KCNMA1: variants seen among roughly 807,000 people sequenced by gnomAD.
KCNMA1 encodes the protein potassium calcium-activated channel subfamily M alpha 1.
In KCNMA1, 29 loss-of-function variants were observed where a neutral mutation model predicts 140.0. That is an observed-to-expected ratio of 0.21 (90% CI 0.15 to 0.28). The LOEUF (loss-of-function observed/expected upper bound fraction) is 0.28, where lower values mean the gene tolerates loss of function less well. Among genes scored for constraint, KCNMA1 ranks in the 10% least tolerant of loss-of-function variants. KCNMA1 has a pLI of 1.00. For missense variants in KCNMA1, 880 were observed against 1,602.2 expected (o/e 0.55, Z 7.70); for synonymous variants, 612 against 611.9 (o/e 1.00, Z 0.00).
intron 1 of KCNMA1, among the ~76,000 whole-genome samples, chr10:77,625,359 C>G (rs533346777): frequency 6.6e-6 from 1 of 151,874 alleles, no homozygotes; most frequent in African/African-American, 2.4e-5. Context: ...CCAGCCTGGG[C>G]GACAGAGCGA....
rs189344450 is a variant in KCNMA1, at chr10:77,412,918, C to T, written c.379-8895G>A. Among the ~76,000 whole-genome samples, 830 of 152,092 alleles carry T rather than the reference C, an allele frequency of 5.5e-3. 3 individuals carry two copies. The highest frequency in any genetic ancestry group is 0.027 in the Middle Eastern group (8 of 292). On this transcript the variant is annotated intron_variant, in intron 1 of 27. Transcript: ENST00000286628. ...TGTTGCCCAGGCTGGAGTACAGTGG[C>T]GTGATCTCAGCTCACTGCAATTTCT...
intron 2 of KCNMA1, among the ~76,000 whole-genome samples, chr10:77,255,361 A>G (rs1463889843): frequency 6.6e-6 from 1 of 152,086 alleles, no homozygotes; most frequent in East Asian, 1.9e-4. Context: ...GCACTTTGGG[A>G]GGCCATGACA....
In KCNMA1 at chr10:77,160,339, T is replaced by A. The variant is rs116036380; in HGVS notation, c.808+23082A>T. 7.2e-3 allele frequency among the ~76,000 whole-genome samples: 1,091 copies of A among 152,320 alleles called. 13 individuals are homozygous for A. Among genetic ancestry groups the A allele is most frequent in the African/African-American group, 0.025 (1,037 of 41,588 alleles). On this transcript the variant is annotated intron_variant, in intron 5 of 27. Coordinates refer to ENST00000286628, the MANE Select transcript of KCNMA1 (RefSeq NM_001161352.2). Reference sequence around the variant, plus strand: ...GTCTGGAATGCTCTTGGCCCTCCACTCCACTTAGTTAAGGCTTTTCCATGT... The same window carrying A: ...GTCTGGAATGCTCTTGGCCCTCCACACCACTTAGTTAAGGCTTTTCCATGT...
At chr10:77,195,625 A>G (rs778358156) in intron 3 of KCNMA1, among the ~76,000 whole-genome samples, 8 of 151,980 alleles carry the variant, frequency 5.3e-5, no homozygotes, top group Non-Finnish European at 1.2e-4. Context: ...ATTTATCAAA[A>G]TTAGGTTTCC....
intron 1 of KCNMA1, among the ~76,000 whole-genome samples, chr10:77,575,684 C>T (rs1457530610): frequency 4.6e-5 from 7 of 152,212 alleles, no homozygotes; most frequent in African/African-American, 1.7e-4. Context: ...TAGGATCACC[C>T]GGGGAGCATC....
intron 2 of KCNMA1, among the ~76,000 whole-genome samples, chr10:77,347,226 T>C (rs932737008): frequency 6.6e-6 from 1 of 152,206 alleles, no homozygotes; most frequent in Non-Finnish European, 1.5e-5. Context: ...ACTCATCATA[T>C]ACCAGGCCTT....
intron 23 of KCNMA1, among the ~76,000 whole-genome samples, chr10:76,921,108 C>T (rs1434823373): frequency 2.0e-5 from 3 of 152,098 alleles, no homozygotes; most frequent in African/African-American, 7.2e-5. Flanking sequence ...TCTCCCACCC[C>T]GATAGACTTA....
chr10:77,499,756 G>T (rs988553139), intron 1 of KCNMA1, among the ~76,000 whole-genome samples: 1 of 152,048 alleles, frequency 6.6e-6, no homozygotes, highest in Non-Finnish European at 1.5e-5. Flanking sequence ...GATGTCCATG[G>T]TAATAAAGAT....
intron 10 of KCNMA1, among the ~76,000 whole-genome samples, chr10:77,087,347 C>A (rs962246059): frequency 6.6e-6 from 1 of 152,094 alleles, no homozygotes; most frequent in Non-Finnish European, 1.5e-5. Flanking sequence ...ATAGATGTAT[C>A]AATATATAGA....
intron 2 of KCNMA1, among the ~76,000 whole-genome samples, chr10:77,370,194 A>ATG (rs2094598308): frequency 6.6e-6 from 1 of 152,256 alleles, no homozygotes; most frequent in East Asian, 1.9e-4. Flanking sequence ...CACCAACCCC[A>ATG]GCAGGCTAAA....
intron 2 of KCNMA1, among the ~76,000 whole-genome samples, chr10:77,322,911 C>T (rs2082778008): frequency 6.6e-6 from 1 of 152,144 alleles, no homozygotes; most frequent in Non-Finnish European, 1.5e-5. Flanking sequence ...TCCAAGGTCC[C>T]CACCAACACT....
intron 1 of KCNMA1, among the ~76,000 whole-genome samples, chr10:77,499,458 T>C (rs554615301): frequency 4.5e-4 from 60 of 133,462 alleles, no homozygotes; most frequent in African/African-American, 9.7e-4. Context: ...CACACACACA[T>C]ATATATATAC....
intron 1 of KCNMA1, among the ~76,000 whole-genome samples, chr10:77,600,746 C>G (rs2082354453): frequency 7.4e-6 from 1 of 135,510 alleles, no homozygotes; most frequent in Non-Finnish European, 1.6e-5. Flanking sequence ...AACTCCATCT[C>G]AAACACACAC....
intron 2 of KCNMA1, chr10:77,350,768 C>T (rs1267744655): frequency 2.6e-5 from 4 of 152,252 alleles, no homozygotes; most frequent in African/African-American, 9.7e-5. Flanking sequence ...AGCTGCCTTC[C>T]TACCTCCAGG....
At chr10:77,087,893 A>G (rs1400254383) in intron 10 of KCNMA1, among the ~76,000 whole-genome samples, 2 of 152,068 alleles carry the variant, frequency 1.3e-5, no homozygotes, top group African/African-American at 2.4e-5. Context: ...AACATTTACT[A>G]TATGGCAGAT....
intron 1 of KCNMA1, among the ~76,000 whole-genome samples, chr10:77,464,506 G>C (rs554718981): frequency 1.8e-3 from 267 of 152,214 alleles, no homozygotes; most frequent in African/African-American, 6.2e-3. Context: ...GAAGCAGCGG[G>C]TCTGAGTCAT....
chr10:76,955,225 G>A (rs1006651939), intron 20 of KCNMA1, among the ~76,000 whole-genome samples: 3 of 146,884 alleles, frequency 2.0e-5, no homozygotes, highest in Admixed American at 6.9e-5. Context: ...ACAGAGTCTC[G>A]CTCTGCAGAG....
intron 1 of KCNMA1, among the ~76,000 whole-genome samples, chr10:77,524,546 G>T (rs2054830609): frequency 6.6e-6 from 1 of 152,182 alleles, no homozygotes; most frequent in African/African-American, 2.4e-5. Flanking sequence ...AAAACATGCA[G>T]AAACCGCAGC....
chr10:77,601,260 C>G (rs943102112), intron 1 of KCNMA1, among the ~76,000 whole-genome samples: 7 of 152,330 alleles, frequency 4.6e-5, no homozygotes, highest in African/African-American at 1.7e-4. Flanking sequence ...AACTAGCACA[C>G]TCACATCCAG....
Sources: gnomAD v4.1 joint callset for allele counts (sites outside exome capture counted in the v4.1 genomes callset) on GRCh38, gnomAD v4.1.1 for gene constraint, MANE v1.5 for transcripts, NCBI Gene and HGNC (gene_info 2026-07-23, HGNC 2026-07-21) for gene names.